SOX5: variants seen among roughly 807,000 people sequenced by gnomAD.
SOX5 encodes SRY-box transcription factor 5.
Under a neutral mutation model 92.0 loss-of-function variants are expected in SOX5, and 9 were observed. The ratio of observed to expected loss-of-function variants is 0.10; its 90% CI spans 0.06 to 0.17. The LOEUF (loss-of-function observed/expected upper bound fraction) is 0.17. Ranked by LOEUF, SOX5 falls within the 10% of genes least tolerant of loss-of-function variation. The pLI, the probability that SOX5 is intolerant of heterozygous loss-of-function variation, is 1.00. For missense variants in SOX5, 642 were observed against 944.5 expected, an observed-to-expected ratio of 0.68 and a Z score of 4.20; for synonymous variants, 344 against 336.3, an observed-to-expected ratio of 1.02 and a Z score of -0.25.
intron 3 of SOX5, among the ~76,000 whole-genome samples, chr12:23,819,900 T>C (rs1469989615): frequency 6.6e-6 from 1 of 152,240 alleles, no homozygotes; most frequent in Non-Finnish European, 1.5e-5. Context: ...TATGTGTGCA[T>C]GTGTCTTTAC....
At chr12:23,590,741 T>C (rs1161613499) in intron 9 of SOX5, among the ~76,000 whole-genome samples, 2 of 152,090 alleles carry the variant, frequency 1.3e-5, no homozygotes, top group African/African-American at 4.8e-5. Flanking sequence ...GAATCCTCTA[T>C]AGAAGTTGTT....
chr12:23,537,964 G>A (rs138186344), intron 13 of SOX5, among the ~76,000 whole-genome samples: 2,243 of 150,994 alleles, frequency 0.015, 61 homozygotes, highest in African/African-American at 0.051. Flanking sequence ...TTTTAATAGT[G>A]ATTTAAAAAT....
At chr12:24,165,775 C>A (rs1390479961) in intron 4 of SOX5, among the ~76,000 whole-genome samples, 1 of 151,968 alleles carries the variant, frequency 6.6e-6, no homozygotes, top group Admixed American at 6.6e-5. Flanking sequence ...AAAGAAAGGG[C>A]TGTAGAAGAT....
intron 4 of SOX5, among the ~76,000 whole-genome samples, chr12:23,745,456 G>C (rs1222558201): frequency 6.6e-6 from 1 of 151,986 alleles, no homozygotes; most frequent in Non-Finnish European, 1.5e-5. Flanking sequence ...ACCTCCAATT[G>C]CTCCCCATTG....
intron 8 of SOX5, 97 bp from the exon 9 acceptor site, chr12:23,604,630 C>A: frequency 8.2e-7 from 1 of 1,218,166 alleles, no homozygotes; most frequent in Non-Finnish European, 1.2e-6. Context: ...TGGTATTTTT[C>A]CTATGAGCAT....
At chr12:24,029,138 A>T (rs1249391188) in intron 4 of SOX5, among the ~76,000 whole-genome samples, 1 of 152,066 alleles carries the variant, frequency 6.6e-6, no homozygotes, top group African/African-American at 2.4e-5. Context: ...AGTAGTCTTA[A>T]CAGCAAATAC....
intron 3 of SOX5, among the ~76,000 whole-genome samples, chr12:24,271,307 A>G (rs1943706482): frequency 6.6e-6 from 1 of 152,166 alleles, no homozygotes. Flanking sequence ...ATTATTTCAT[A>G]TATTGGGCAT....
intron 2 of SOX5, among the ~76,000 whole-genome samples, chr12:24,353,387 C>G (rs550526272): frequency 8.7e-4 from 133 of 152,214 alleles, no homozygotes; most frequent in African/African-American, 3.1e-3. Flanking sequence ...GAACTACACA[C>G]TTTTTTCAAG....
At chr12:23,628,127 T>G (rs957861852) in intron 8 of SOX5, among the ~76,000 whole-genome samples, 2 of 152,070 alleles carry the variant, frequency 1.3e-5, no homozygotes, top group Admixed American at 6.6e-5. Context: ...TTTAACTTTT[T>G]TTGTTGTTGT....
intron 9 of SOX5, chr12:23,582,108 T>G (rs1285022099): frequency 1.0e-6 from 1 of 973,480 alleles, no homozygotes; most frequent in Non-Finnish European, 1.2e-6. Context: ...TTAACCTAAG[T>G]AGGGAAGTTA....
At chr12:23,626,153 C>A (rs1204712018) in intron 8 of SOX5, among the ~76,000 whole-genome samples, 1 of 151,534 alleles carries the variant, frequency 6.6e-6, no homozygotes, top group Non-Finnish European at 1.5e-5. Flanking sequence ...GAAATAGGAA[C>A]AGAAAGGTAA....
At chr12:23,585,682 T>C (rs994741618) in intron 9 of SOX5, among the ~76,000 whole-genome samples, 1 of 152,046 alleles carries the variant, frequency 6.6e-6, no homozygotes, top group Admixed American at 6.6e-5. Context: ...GAGTTCTCAG[T>C]GGAATTTTTC....
chr12:23,579,098 T>A (rs893838497), intron 9 of SOX5, among the ~76,000 whole-genome samples: 1 of 152,154 alleles, frequency 6.6e-6, no homozygotes, highest in Non-Finnish European at 1.5e-5. Flanking sequence ...GATGTGGATG[T>A]GGGTGCTCAT....
chr12:24,517,541 C>A (rs1949902894), intron 1 of SOX5, among the ~76,000 whole-genome samples: 2 of 152,070 alleles, frequency 1.3e-5, no homozygotes, highest in Non-Finnish European at 2.9e-5. Flanking sequence ...ACCATATAGG[C>A]CTTGGCAGTC....
intron 3 of SOX5, among the ~76,000 whole-genome samples, chr12:23,827,097 A>C (rs569847436): frequency 5.7e-4 from 87 of 152,338 alleles, no homozygotes; most frequent in Non-Finnish European, 1.0e-3. Context: ...TAATTAAATC[A>C]AGACTCAGTA....
intron 6 of SOX5, among the ~76,000 whole-genome samples, chr12:23,698,743 T>TG (rs1269576893): frequency 6.6e-6 from 1 of 152,184 alleles, no homozygotes; most frequent in Non-Finnish European, 1.5e-5. Context: ...GTAATCTATT[T>TG]GGGGGGTTGT....
chr12:23,860,546 A>C (rs994790407), intron 2 of SOX5, among the ~76,000 whole-genome samples: 1 of 152,106 alleles, frequency 6.6e-6, no homozygotes, highest in Non-Finnish European at 1.5e-5. Flanking sequence ...CGCCCAACTA[A>C]ATTAGTTTAT....
At chr12:23,617,557 C>T (rs1203777096) in intron 8 of SOX5, among the ~76,000 whole-genome samples, 1 of 152,066 alleles carries the variant, frequency 6.6e-6, no homozygotes, top group Non-Finnish European at 1.5e-5. Flanking sequence ...GAATATGAAG[C>T]TATCAATGAG....
At chr12:24,008,735 A>G (rs948507687) in intron 4 of SOX5, among the ~76,000 whole-genome samples, 2 of 152,286 alleles carry the variant, frequency 1.3e-5, no homozygotes, top group East Asian at 3.9e-4. Context: ...CTCTCCCAAA[A>G]GACAGATATG....
Sources: gnomAD v4.1 joint callset for allele counts (sites outside exome capture counted in the v4.1 genomes callset) on GRCh38, gnomAD v4.1.1 for gene constraint, MANE v1.5 for transcripts, NCBI Gene and HGNC (gene_info 2026-07-23, HGNC 2026-07-21) for gene names.